Variants in KMT2E observed in about 807,000 individuals in gnomAD.
KMT2E encodes histone reader KMT2E.
In KMT2E, 30 loss-of-function variants were observed where a neutral mutation model predicts 184.6. The observed-to-expected ratio is 0.16, with a 90% CI of 0.12 to 0.22. The LOEUF (loss-of-function observed/expected upper bound fraction) is 0.22, where lower values mean the gene tolerates loss of function less well. Ranked by LOEUF, KMT2E falls within the 10% of genes least tolerant of loss-of-function variation. The probability of loss-of-function intolerance (pLI) is 1.00; values close to 1 mark genes in which losing one functional copy is unlikely to be tolerated. For synonymous variants in KMT2E, 815 were observed against 776.5 expected, an observed-to-expected ratio of 1.05 and a Z score of -0.82; for missense variants, 2,023 against 2,237.4, an observed-to-expected ratio of 0.90 and a Z score of 1.93.
chr7:105,030,541 C>CT (rs964515956), intron 1 of KMT2E, among the ~76,000 whole-genome samples: 12 of 152,142 alleles, frequency 7.9e-5, no homozygotes, highest in Admixed American at 7.9e-4. Context: ...GTGAACTACA[C>CT]TTTTTTTGAA....
At position 105,023,411 on chromosome 7, in the gene KMT2E, A is replaced by AG. The variant is rs1380974044; in HGVS notation, c.-189+8876_-189+8877insG. ...GAGTGAGACTCTGTCTCAAAAAAAA[A>AG]AAAAAAAAAAAGAGAGACAAAAATT... On this transcript the variant is annotated intron_variant, in intron 1 of 26. Transcript: ENST00000311117. Among the ~76,000 whole-genome samples the AG allele has an allele frequency of 2.0e-5, 3 of 150,536 alleles. 1 individual carries two copies. The highest frequency in any genetic ancestry group is 7.4e-5 in the African/African-American group (3 of 40,674).
At chr7:105,021,813 A>G (rs1794967742) in intron 1 of KMT2E, among the ~76,000 whole-genome samples, 8 of 152,206 alleles carry the variant, frequency 5.3e-5, no homozygotes. Flanking sequence ...TATCACACTG[A>G]TGATTCAATT....
chr7:105,083,968 T>G (rs1029327320), intron 13 of KMT2E, among the ~76,000 whole-genome samples: 2 of 152,288 alleles, frequency 1.3e-5, no homozygotes, highest in Non-Finnish European at 1.5e-5. Context: ...GACTTCACTT[T>G]TTCTAGAAAC....
At chr7:105,020,151 C>A (rs1002984447) in intron 1 of KMT2E, among the ~76,000 whole-genome samples, 3 of 150,048 alleles carry the variant, frequency 2.0e-5, no homozygotes, top group African/African-American at 4.9e-5. Context: ...AAAAAAAATT[C>A]TTGGTCCTGA....
At chr7:105,089,970 T>G in intron 13 of KMT2E, 39 bp from the exon 14 acceptor site, 1 of 1,586,568 alleles carries the variant, frequency 6.3e-7, no homozygotes, top group Non-Finnish European at 8.5e-7. Context: ...AGTTTTGTTT[T>G]ATATTTTGAA....
chr7:105,050,141 T>G (rs1796268647), intron 3 of KMT2E, among the ~76,000 whole-genome samples: 1 of 152,238 alleles, frequency 6.6e-6, no homozygotes, highest in South Asian at 2.1e-4. Flanking sequence ...GCAAAACTCC[T>G]TGAGAAAGCT....
chr7:105,019,099 TG>T (rs1794839302), intron 1 of KMT2E, among the ~76,000 whole-genome samples: 1 of 152,292 alleles, frequency 6.6e-6, no homozygotes, highest in Admixed American at 6.5e-5. Flanking sequence ...ATTGTTTTTT[TG>T]TTATTGTGAA....
At position 105,106,351 on chromosome 7, in the gene KMT2E, A is replaced by AG. The variant is rs532492153; in HGVS notation, c.2597-166dup. Among the ~76,000 whole-genome samples, 224 of 152,288 alleles carry AG rather than the reference A, an allele frequency of 1.5e-3. 3 individuals are homozygous for AG. The highest frequency in any genetic ancestry group is 5.1e-3 in the African/African-American group (211 of 41,564). ...TAATGCTTGCTAATTGGGGAGGGAA[A>AG]GGGGGCACTGCTTCATGTTAGTACC... On this transcript the variant is annotated intron_variant, in intron 19 of 26. Transcript: ENST00000311117.
At chr7:105,075,443 G>A (rs1428789154) in intron 8 of KMT2E, among the ~76,000 whole-genome samples, 8 of 152,014 alleles carry the variant, frequency 5.3e-5, no homozygotes, top group Admixed American at 5.2e-4. Flanking sequence ...ATTACTTAAG[G>A]CCCATTATGG....
chr7:105,112,958 A>G lies in KMT2E; in HGVS notation c.5202A>G (p.Thr1734=), dbSNP rs749141803. 1.1e-5 allele frequency: 17 copies of G among 1,613,666 alleles called. No individual in the cohort carries two copies. Among genetic ancestry groups the G allele is most frequent in the African/African-American group, 2.7e-5 (2 of 74,750 alleles). Reference sequence around the variant, plus strand: ...TTTTGGCTTCTGGGCATCATACCACATCAGCTCAAGCCTTACACCACCCAC... The same window carrying G: ...TTTTGGCTTCTGGGCATCATACCACGTCAGCTCAAGCCTTACACCACCCAC... The part of the protein sequence containing the change: ...SSVLASGHHT[T]SAQALHHPPH... Residue 1734 remains threonine (T), a synonymous_variant, in exon 27 of 27, where the codon ACA becomes ACG. Transcript: ENST00000311117.
chr7:105,069,574 CT>C (rs762707892), intron 6 of KMT2E, among the ~76,000 whole-genome samples: 3 of 152,118 alleles, frequency 2.0e-5, no homozygotes, highest in Non-Finnish European at 2.9e-5. Context: ...TGGATACACA[CT>C]TATGTTGTTT....
chr7:105,068,624 G>GTTTTTTT lies in KMT2E; in HGVS notation c.497+1825_497+1831dup, dbSNP rs77819480. 9.9e-4 allele frequency among the ~76,000 whole-genome samples: 111 copies of GTTTTTTT among 112,220 alleles called. 15 individuals are homozygous for GTTTTTTT. Among genetic ancestry groups the GTTTTTTT allele is most frequent in the African/African-American group, 3.5e-3 (87 of 25,010 alleles). The allele number at this position is 112,220 out of a possible 152,430, so 73.6% of individuals were successfully genotyped here. On this transcript the variant is annotated intron_variant, in intron 6 of 26. Coordinates refer to ENST00000311117, the MANE Select transcript of KMT2E (RefSeq NM_182931.3). ...TCGCCACCATGCCTGACTAGTTGTG[G>GTTTTTTT]TTTTTTTTTTTTTTGTTTTTTTTTT...
intron 13 of KMT2E, among the ~76,000 whole-genome samples, chr7:105,086,378 T>C (rs749597064): frequency 6.6e-6 from 1 of 152,324 alleles, no homozygotes; most frequent in East Asian, 1.9e-4. Flanking sequence ...AAGAAGCTTG[T>C]ACCAGTTTCC....
rs1439058475 is a variant in KMT2E, at chr7:105,107,208, A to T, written c.2890A>T (p.Thr964Ser). Residue 964 changes from threonine to serine, a missense_variant, in exon 21 of 27, where the codon ACT becomes TCT. Physicochemically the swap from Thr to Ser is moderately conservative, Grantham distance 58. Coordinates refer to ENST00000311117, the MANE Select transcript of KMT2E (RefSeq NM_182931.3). ...AAGTTCTCCAGAAATAAAGAGACGC[A>T]CTTATAGTCAAGAGGTAAGAAGTTA... ...PESSPEIKRRTYSQEGYDRSS... is the reference protein window; with the variant it reads ...PESSPEIKRRSYSQEGYDRSS... The T allele has an allele frequency of 1.3e-6, 2 of 1,559,534 alleles. No homozygotes were observed. The highest frequency in any genetic ancestry group is 1.7e-6 in the Non-Finnish European group (2 of 1,145,966).
intron 19 of KMT2E, among the ~76,000 whole-genome samples, chr7:105,106,242 A>G (rs1798893725): frequency 2.0e-5 from 3 of 152,218 alleles, no homozygotes; most frequent in Admixed American, 2.0e-4. Flanking sequence ...CAGACAGACA[A>G]GGACTCTTAC....
In KMT2E at chr7:105,066,762, G is replaced by T; in HGVS notation, c.452G>T (p.Arg151Met). Residue 151 changes from arginine to methionine, a missense_variant, in exon 6 of 27, where the codon AGG (arginine) becomes ATG (methionine). Transcript: ENST00000311117. ...CATATTGACTGCATGGGGATTGATAGGCAGCATATTCCTGATACATATCTA... is the reference window on the plus strand; with the variant it reads ...CATATTGACTGCATGGGGATTGATATGCAGCATATTCCTGATACATATCTA... Reference protein sequence around the residue: ...WQHIDCMGIDRQHIPDTYLCE... With the variant: ...WQHIDCMGIDMQHIPDTYLCE... The T allele has an allele frequency of 6.2e-7, 1 of 1,612,360 alleles. No individual in the cohort carries two copies. The highest frequency in any genetic ancestry group is 8.5e-7 in the Non-Finnish European group (1 of 1,179,146).
Position 105,107,766 on chromosome 7 carries a change from G to A in KMT2E, c.3309G>A (p.Glu1103=), listed in dbSNP as rs201756166. 1 of 1,614,040 alleles carries A rather than the reference G, an allele frequency of 6.2e-7. No individual in the cohort carries two copies. Among genetic ancestry groups the A allele is most frequent in the Non-Finnish European group, 8.5e-7 (1 of 1,180,036 alleles). Residue 1103 remains glutamate (E), a synonymous_variant, in exon 22 of 27, where the codon GAG becomes GAA. Coordinates refer to ENST00000311117, the MANE Select transcript of KMT2E (RefSeq NM_182931.3). Reference sequence around the variant, plus strand: ...TTGGAGGAGGCTTCCGAATAAGTGAGTCAAAGTGCCTGATGCAGGATGATA... The same window carrying A: ...TTGGAGGAGGCTTCCGAATAAGTGAATCAAAGTGCCTGATGCAGGATGATA... The part of the protein sequence containing the change: ...LEVGGGFRIS[E]SKCLMQDDTR...
chr7:105,078,244 GTCAC>G (rs1797612442), intron 11 of KMT2E, among the ~76,000 whole-genome samples: 1 of 152,162 alleles, frequency 6.6e-6, no homozygotes, highest in Non-Finnish European at 1.5e-5. Context: ...GAATGCAGTA[GTCAC>G]TCTCTTTTTA....
intron 1 of KMT2E, among the ~76,000 whole-genome samples, chr7:105,029,939 T>C (rs1795336782): frequency 1.3e-5 from 2 of 152,124 alleles, no homozygotes; most frequent in South Asian, 4.1e-4. Flanking sequence ...GAGATTTATG[T>C]GTTAGAAAAA....
Sources: gnomAD v4.1 joint callset for allele counts (sites outside exome capture counted in the v4.1 genomes callset) on GRCh38, gnomAD v4.1.1 for gene constraint, MANE v1.5 for transcripts, NCBI Gene and HGNC (gene_info 2026-07-23, HGNC 2026-07-21) for gene names.